The following DNAJC21 variants were observed in gnomAD, a reference collection of about 807,000 sequenced individuals.
The protein encoded by DNAJC21 is dnaJ homolog subfamily C member 21.
In DNAJC21, 63 loss-of-function variants were observed where a neutral mutation model predicts 72.4. The observed-to-expected ratio is 0.87, with a 90% CI of 0.71 to 1.07. The LOEUF (loss-of-function observed/expected upper bound fraction) is 1.07. Ranked by LOEUF, DNAJC21 falls within the 50% of genes least tolerant of loss-of-function variation. DNAJC21 has a pLI of 0.00. For synonymous variants in DNAJC21, 203 were observed against 216.7 expected (o/e 0.94, Z 0.56); for missense variants, 634 against 644.8 (o/e 0.98, Z 0.18).
At chr5:34,951,141 T>C (rs1294779157) in intron 10 of DNAJC21, 16 of 985,462 alleles carry the variant, frequency 1.6e-5, no homozygotes, top group Non-Finnish European at 1.9e-5. Context: ...GAAACAGATG[T>C]GGGTGAGACC....
chr5:34,957,408 CAAA>C lies in DNAJC21; in HGVS notation c.*2696_*2698del, dbSNP rs1033808713. 23 of 152,258 alleles carry C rather than the reference CAAA, an allele frequency of 1.5e-4. No homozygotes were observed. The highest frequency in any genetic ancestry group is 5.5e-4 in the African/African-American group (23 of 41,550). 9.4% of individuals were successfully genotyped at this position (152,258 alleles called of 1,614,324 possible). ...ATGGCTATTTAGACTTTCCCTGCTT[CAAA>C]ATAAGAGCAGTATCCTTAGCTCTAG... On this transcript the variant is annotated 3_prime_UTR_variant, in exon 12 of 12. Coordinates refer to ENST00000648817, the MANE Select transcript of DNAJC21 (RefSeq NM_001012339.3).
At position 34,945,753 on chromosome 5, in the gene DNAJC21, G is replaced by A; in HGVS notation, c.1143-8G>A. On this transcript the variant is annotated splice_polypyrimidine_tract_variant and splice_region_variant and intron_variant, in intron 8 of 11. Transcript: ENST00000648817. ...GTATTTGACATTTCGATTTATATTT[G>A]CTCTTAGGCTTTCTAAAAAACAGAA... 1 of 1,577,332 alleles carries A rather than the reference G, an allele frequency of 6.3e-7. No homozygotes were observed. The highest frequency in any genetic ancestry group is 8.6e-7 in the Non-Finnish European group (1 of 1,165,954).
At chr5:34,930,031 G>A in intron 1 of DNAJC21, 115 bp downstream of exon 1, 1 of 791,404 alleles carries the variant, frequency 1.3e-6, no homozygotes, top group East Asian at 4.0e-5. Context: ...GGCGGCCTAG[G>A]AGCTCCTTGC....
chr5:34,950,522 G>A, intron 10 of DNAJC21, 180 bp downstream of exon 10: 1 of 1,252,904 alleles, frequency 8.0e-7, no homozygotes, highest in Non-Finnish European at 1.0e-6. Context: ...GTTGAGAAGA[G>A]GATGCTAGAG....
intron 1 of DNAJC21, among the ~76,000 whole-genome samples, chr5:34,932,378 G>T (rs1464383975): frequency 6.9e-6 from 1 of 144,004 alleles, no homozygotes; most frequent in Non-Finnish European, 1.5e-5. Context: ...CCAAGATCGC[G>T]CCACTGCACT....
At chr5:34,931,296 T>G (rs1481384154) in intron 1 of DNAJC21, among the ~76,000 whole-genome samples, 1 of 152,204 alleles carries the variant, frequency 6.6e-6, no homozygotes, top group Non-Finnish European at 1.5e-5. Context: ...GAACTGATGT[T>G]CATCATAGCA....
intron 2 of DNAJC21, among the ~76,000 whole-genome samples, chr5:34,934,187 G>A (rs768302794): frequency 5.9e-5 from 9 of 151,944 alleles, no homozygotes; most frequent in Non-Finnish European, 5.9e-5. Flanking sequence ...ATACCCTTTG[G>A]TGTATGATAG....
intron 9 of DNAJC21, chr5:34,949,485 A>G (rs1765282781): frequency 6.5e-7 from 1 of 1,549,040 alleles, no homozygotes; most frequent in Non-Finnish European, 8.7e-7. Context: ...GTAACAGATA[A>G]TATTAGCATT....
At chr5:34,944,277 G>A (rs1765096935) in intron 7 of DNAJC21, among the ~76,000 whole-genome samples, 1 of 152,140 alleles carries the variant, frequency 6.6e-6, no homozygotes, top group African/African-American at 2.4e-5. Context: ...TCCTGAGAAG[G>A]TGAAAAGCAG....
At position 34,950,850 on chromosome 5, in the gene DNAJC21, C is replaced by G. The variant is rs143253289; in HGVS notation, c.1358+508C>G. On this transcript the variant is annotated intron_variant, in intron 10 of 11. Coordinates refer to ENST00000648817, the MANE Select transcript of DNAJC21 (RefSeq NM_001012339.3). ...GGTGTGGACTAGGAGGAGGTCTCAC[C>G]CAAGGGAGGTAGCCAGTCCTGTTCT... 85 of 985,706 alleles carry G rather than the reference C, an allele frequency of 8.6e-5. No individual in the cohort carries two copies. In the African/African-American group the frequency reaches 1.3e-3, roughly 15 times the overall value. 61.1% of individuals were successfully genotyped at this position (985,706 alleles called of 1,614,324 possible). A position where few individuals can be genotyped will look rare whatever the true frequency, so the allele number is the denominator to read the frequency against.
chr5:34,934,757 G>A (rs1764714539), intron 2 of DNAJC21, among the ~76,000 whole-genome samples: 1 of 152,154 alleles, frequency 6.6e-6, no homozygotes, highest in Non-Finnish European at 1.5e-5. Flanking sequence ...GCAAGATCCT[G>A]CTCTTACAAA....
chr5:34,953,428 T>C (rs1252088176), intron 10 of DNAJC21: 1 of 152,042 alleles, frequency 6.6e-6, no homozygotes, highest in South Asian at 2.1e-4. Flanking sequence ...GCTCAGCTAA[T>C]TTTTTATATT....
At chr5:34,942,561 A>G (rs558053629) in intron 7 of DNAJC21, among the ~76,000 whole-genome samples, 4 of 151,800 alleles carry the variant, frequency 2.6e-5, no homozygotes, top group Non-Finnish European at 5.9e-5. Flanking sequence ...GAGATTAAAA[A>G]TTTTTTTTTA....
chr5:34,943,024 T>A (rs980783002), intron 7 of DNAJC21, among the ~76,000 whole-genome samples: 5 of 151,998 alleles, frequency 3.3e-5, no homozygotes, highest in African/African-American at 1.2e-4. Flanking sequence ...GCCAAGATCG[T>A]GCCATTGCAC....
At chr5:34,951,173 G>GA in intron 10 of DNAJC21, 3 of 985,414 alleles carry the variant, frequency 3.0e-6, no homozygotes, top group Non-Finnish European at 3.6e-6. Context: ...TCTGGCTATA[G>GA]AAAAAGGTAT....
chr5:34,955,345 A>C lies in DNAJC21; in HGVS notation c.*631A>C, dbSNP rs1392807241. ...TTTTACTGGTTTACCAGTAAGGTGT[A>C]TTGTTCAGTTTTTTGCTCCGATTTG... On this transcript the variant is annotated 3_prime_UTR_variant, in exon 12 of 12. Transcript: ENST00000648817. 6.6e-6 allele frequency: 1 copy of C among 152,136 alleles called. No individual in the cohort carries two copies. The highest frequency in any genetic ancestry group is 1.5e-5 in the Non-Finnish European group (1 of 68,030). 9.4% of individuals were successfully genotyped at this position (152,136 alleles called of 1,614,324 possible).
chr5:34,936,266 G>A lies in DNAJC21; in HGVS notation c.438G>A (p.Thr146=), dbSNP rs1331967583. 4 of 1,603,866 alleles carry A rather than the reference G, an allele frequency of 2.5e-6. No homozygotes were observed. Among genetic ancestry groups the A allele is most frequent in the Admixed American group, 1.8e-5 (1 of 56,864 alleles). The stretch of plus-strand genomic sequence containing the variant: ...GAGACTCCCAGAGTGACTATGATAC[G>A]GTAAAATAAAAATGCATTGTTCTAT... ...TFGDSQSDYD[T]VVHPFYAYWQ... Residue 146 remains threonine, a splice_region_variant and synonymous_variant, in exon 4 of 12, where the codon ACG becomes ACA. Transcript: ENST00000648817.
At chr5:34,938,001 T>G (rs1335864337) in intron 5 of DNAJC21, among the ~76,000 whole-genome samples, 1 of 152,084 alleles carries the variant, frequency 6.6e-6, no homozygotes, top group Non-Finnish European at 1.5e-5. Flanking sequence ...TTTCACCCTG[T>G]TGGCCAGTCT....
Position 34,940,242 on chromosome 5 carries a change from G to A in DNAJC21, c.896-854G>A, listed in dbSNP as rs893663857. Among the ~76,000 whole-genome samples the A allele has an allele frequency of 5.3e-5, 8 of 152,028 alleles. 1 individual carries two copies. The South Asian group carries it at 6.2e-4, about 12-fold the overall frequency. On this transcript the variant is annotated intron_variant, in intron 6 of 11. Transcript: ENST00000648817. Reference sequence around the variant, plus strand: ...TCAAATCCAGTATTGTTAACTATTCGATTAATTAAAATTTCACATACATGA... The same window carrying A: ...TCAAATCCAGTATTGTTAACTATTCAATTAATTAAAATTTCACATACATGA...
Sources: allele counts gnomAD v4.1 joint callset (sites outside exome capture counted in the v4.1 genomes callset), GRCh38; gene constraint gnomAD v4.1.1; transcripts MANE v1.5; gene names NCBI Gene and HGNC (gene_info 2026-07-23, HGNC 2026-07-21).